Variants in CRB1 observed in about 807,000 individuals in gnomAD.
The protein encoded by CRB1 is protein crumbs homolog 1.
A neutral mutation model predicts 120.0 loss-of-function variants in CRB1; 83 were observed. The observed-to-expected ratio is 0.69, with a 90% CI of 0.58 to 0.83. The LOEUF is 0.83. CRB1 is among the 40% of genes least tolerant of loss of function. The pLI is 0.00. For missense variants in CRB1, 1,699 were observed against 1,687.6 expected, an observed-to-expected ratio of 1.01 and a Z score of -0.12; for synonymous variants, 625 against 612.5, an observed-to-expected ratio of 1.02 and a Z score of -0.30.
At chr1:197,385,902 C>G (rs1662191338) in intron 5 of CRB1, among the ~76,000 whole-genome samples, 1 of 151,988 alleles carries the variant, frequency 6.6e-6, no homozygotes, top group Non-Finnish European at 1.5e-5. Context: ...GGTTAAAAAA[C>G]AATCTAAGGG....
At chr1:197,245,726 A>G in the CRB1 span, among the ~76,000 whole-genome samples, 2 of 151,934 alleles carry the variant, frequency 1.3e-5, no homozygotes, top group Non-Finnish European at 1.5e-5. Context: ...TTTCTGTACT[A>G]GCTGATTTCC....
At chr1:197,354,167 G>T (rs1660286681) in intron 4 of CRB1, among the ~76,000 whole-genome samples, 2 of 152,162 alleles carry the variant, frequency 1.3e-5, no homozygotes, top group Admixed American at 1.3e-4. Context: ...CAAACGTTTT[G>T]AGCCACATTC....
chr1:197,279,565 A>G (rs547739881), intron 1 of CRB1, among the ~76,000 whole-genome samples: 2 of 137,266 alleles, frequency 1.5e-5, no homozygotes, highest in African/African-American at 5.5e-5. Flanking sequence ...CAACCCCTCT[A>G]TGGAGCAACT....
chr1:197,395,668 G>C (rs1662735060), intron 5 of CRB1, among the ~76,000 whole-genome samples: 1 of 151,930 alleles, frequency 6.6e-6, no homozygotes. Context: ...GGACCTCCCT[G>C]GTTCATTGAA....
chr1:197,372,691 T>C (rs1373847947), intron 5 of CRB1, among the ~76,000 whole-genome samples: 1 of 150,200 alleles, frequency 6.7e-6, no homozygotes, highest in South Asian at 2.1e-4. Context: ...GGTTAGGCAA[T>C]ATAATGAGAC....
chr1:197,206,505 G>T, the CRB1 span, among the ~76,000 whole-genome samples: 1 of 152,042 alleles, frequency 6.6e-6, no homozygotes, highest in Non-Finnish European at 1.5e-5. Flanking sequence ...TGATTTCATT[G>T]TTGACCCAAT....
intron 2 of CRB1, among the ~76,000 whole-genome samples, chr1:197,343,513 A>G (rs1659589916): frequency 6.6e-6 from 1 of 152,126 alleles, no homozygotes; most frequent in Non-Finnish European, 1.5e-5. Flanking sequence ...CTTAAAATGA[A>G]GTGTTAATAG....
intron 5 of CRB1, among the ~76,000 whole-genome samples, chr1:197,364,845 G>C (rs1660975903): frequency 6.6e-6 from 1 of 151,822 alleles, no homozygotes; most frequent in Admixed American, 6.6e-5. Context: ...TAAAATTCTT[G>C]TTAGATAATT....
rs540314126 is a variant in CRB1, at chr1:197,317,717, A to G, written c.71-10705A>G. Among the ~76,000 whole-genome samples the G allele has an allele frequency of 6.6e-5, 10 of 152,328 alleles. No individual in the cohort carries two copies. The South Asian group carries it at 2.1e-3, about 32-fold the overall frequency. The stretch of plus-strand genomic sequence containing the variant: ...TGCATCTACGGCCCACTAATTTTTG[A>G]CAATGGTGCCAAGTATAGACAATGG... On this transcript the variant is annotated intron_variant, in intron 1 of 11. Transcript: ENST00000367400.
intron 5 of CRB1, chr1:197,357,960 T>C (rs1380238097): frequency 6.6e-6 from 1 of 152,190 alleles, no homozygotes; most frequent in East Asian, 1.9e-4. Context: ...AGGAAAGTGG[T>C]ATTTTCCCTG....
chr1:197,369,585 G>A (rs535766551), intron 5 of CRB1, among the ~76,000 whole-genome samples: 167 of 152,236 alleles, frequency 1.1e-3, no homozygotes, highest in African/African-American at 3.9e-3. Context: ...TTCTGAAGAA[G>A]CTATAATCAG....
intron 1 of CRB1, among the ~76,000 whole-genome samples, chr1:197,327,103 A>AC (rs749229702): frequency 0.13 from 12,916 of 96,430 alleles, 855 homozygotes; most frequent in African/African-American, 0.15. Flanking sequence ...AAAAAAAAAA[A>AC]AAAAAAAAAA....
intron 1 of CRB1, among the ~76,000 whole-genome samples, chr1:197,275,326 C>G (rs112060220): frequency 0.012 from 1,788 of 152,098 alleles, 28 homozygotes; most frequent in Non-Finnish European, 0.017. Flanking sequence ...GAATAAAACT[C>G]TGATATATGA....
chr1:197,370,132 G>A (rs1170349636), intron 5 of CRB1, among the ~76,000 whole-genome samples: 1 of 151,724 alleles, frequency 6.6e-6, no homozygotes, highest in Non-Finnish European at 1.5e-5. Flanking sequence ...AGGACTACAA[G>A]AACTGCTAAA....
chr1:197,321,038 C>T (rs1049542487), intron 1 of CRB1, among the ~76,000 whole-genome samples: 1 of 152,200 alleles, frequency 6.6e-6, no homozygotes, highest in Non-Finnish European at 1.5e-5. Flanking sequence ...ATTCCCATTT[C>T]CCTGGTGTTT....
At chr1:197,238,602 T>A in the CRB1 span, among the ~76,000 whole-genome samples, 1 of 152,180 alleles carries the variant, frequency 6.6e-6, no homozygotes, top group Non-Finnish European at 1.5e-5. Context: ...CCCCAGCACT[T>A]TGGGAGGCCA....
the CRB1 span, among the ~76,000 whole-genome samples, chr1:197,225,139 G>A: frequency 2.0e-5 from 3 of 151,380 alleles, no homozygotes; most frequent in Admixed American, 2.0e-4. Context: ...AAGATTTCTT[G>A]TCCAAGTCCA....
intron 11 of CRB1, among the ~76,000 whole-genome samples, chr1:197,459,301 T>C (rs938119112): frequency 1.1e-4 from 17 of 152,150 alleles, no homozygotes; most frequent in African/African-American, 4.1e-4. Flanking sequence ...TTTGATTATG[T>C]ATGGCTACAA....
chr1:197,315,840 T>C (rs958101519), intron 1 of CRB1, among the ~76,000 whole-genome samples: 8 of 152,242 alleles, frequency 5.3e-5, no homozygotes, highest in African/African-American at 1.9e-4. Flanking sequence ...CAACACTTAT[T>C]TGAATAATTT....
Sources: gnomAD v4.1 joint callset for allele counts (sites outside exome capture counted in the v4.1 genomes callset) on GRCh38, gnomAD v4.1.1 for gene constraint, MANE v1.5 for transcripts, NCBI Gene and HGNC (gene_info 2026-07-23, HGNC 2026-07-21) for gene names.